GCA: variants seen among roughly 807,000 people sequenced by gnomAD.
GCA encodes grancalcin, EF-hand calcium-binding protein.
GCA carries 30 observed loss-of-function variants against 32.6 expected under a neutral mutation model. That is an observed-to-expected ratio of 0.92 (90% CI 0.69 to 1.25). GCA has a LOEUF of 1.25. Among genes scored for constraint, GCA ranks in the 50% most tolerant of loss-of-function variants. The pLI is 0.00. For synonymous variants in GCA, 102 were observed against 84.6 expected, an observed-to-expected ratio of 1.21 and a Z score of -1.13; for missense variants, 291 against 266.8, an observed-to-expected ratio of 1.09 and a Z score of -0.63.
intron 2 of GCA, 107 bp downstream of exon 2, chr2:162,347,849 T>A: frequency 5.0e-6 from 3 of 603,262 alleles, no homozygotes; most frequent in Non-Finnish European, 7.7e-6. Flanking sequence ...TTATATTTTA[T>A]ATGTATCTAG....
At chr2:162,373,220 A>T (rs555999285), downstream of GCA, among the ~76,000 whole-genome samples, 12 of 147,128 alleles carry the variant, frequency 8.2e-5, no homozygotes, top group African/African-American at 1.8e-4. Flanking sequence ...TTTTCCTTTT[A>T]AAAAAAATGC....
chr2:162,328,847 G>A (rs1314589762), intron 1 of GCA, among the ~76,000 whole-genome samples: 1 of 152,140 alleles, frequency 6.6e-6, no homozygotes, highest in African/African-American at 2.4e-5. Flanking sequence ...TTATTGAGTG[G>A]AGGTGGCTTG....
chr2:162,371,827 G>T, downstream of GCA: 1 of 1,606,720 alleles, frequency 6.2e-7, no homozygotes, highest in Non-Finnish European at 8.5e-7. Context: ...AGTACAAAAT[G>T]ATTATTTCCC....
chr2:162,329,885 T>C (rs200477808), intron 1 of GCA, among the ~76,000 whole-genome samples: 1 of 152,150 alleles, frequency 6.6e-6, no homozygotes, highest in East Asian at 1.9e-4. Flanking sequence ...CCATGTGTTC[T>C]CATCATTTAG....
intron 2 of GCA, among the ~76,000 whole-genome samples, chr2:162,349,791 C>T (rs1684898340): frequency 6.6e-6 from 1 of 152,072 alleles, no homozygotes; most frequent in Admixed American, 6.5e-5. Context: ...TGTTCTAATA[C>T]CATACTAATG....
At chr2:162,339,187 T>C (rs1684364592), upstream of GCA, among the ~76,000 whole-genome samples, 1 of 152,164 alleles carries the variant, frequency 6.6e-6, no homozygotes, top group South Asian at 2.1e-4. Flanking sequence ...CTTAGAAAGA[T>C]ACTGAAAGGA....
intron 4 of GCA, among the ~76,000 whole-genome samples, chr2:162,370,451 T>G (rs1408476222): frequency 6.6e-6 from 1 of 152,164 alleles, no homozygotes; most frequent in Non-Finnish European, 1.5e-5. Flanking sequence ...GAGATACATA[T>G]GTCCCCCACA....
At chr2:162,366,808 G>C (rs1685766033), downstream of GCA, among the ~76,000 whole-genome samples, 1 of 151,932 alleles carries the variant, frequency 6.6e-6, no homozygotes, top group Admixed American at 6.6e-5. Flanking sequence ...CAAATATAAG[G>C]ATGCTATCTA....
chr2:162,363,058 A>G lies in GCA; in HGVS notation c.*2815A>G, dbSNP rs1361732283. On this transcript the variant is annotated 3_prime_UTR_variant, in exon 8 of 8. Coordinates refer to ENST00000437150, the MANE Select transcript of GCA (RefSeq NM_012198.5). The stretch of plus-strand genomic sequence containing the variant: ...TTCTTTAAGTAAAATATAAGACATT[A>G]AGTTTGCCTGTAATCTTATGGCATT... 2.6e-5 allele frequency among the ~76,000 whole-genome samples: 4 copies of G among 151,438 alleles called. No individual in the cohort carries two copies. The highest frequency in any genetic ancestry group is 5.9e-5 in the Non-Finnish European group (4 of 67,538).
intron 3 of GCA, among the ~76,000 whole-genome samples, chr2:162,352,969 A>G (rs548797705): frequency 6.6e-6 from 1 of 152,144 alleles, no homozygotes; most frequent in African/African-American, 2.4e-5. Context: ...TGAAATCACT[A>G]GTTGTCAGGT....
downstream of GCA, among the ~76,000 whole-genome samples, chr2:162,367,219 C>G (rs1261804245): frequency 6.6e-6 from 1 of 151,806 alleles, no homozygotes; most frequent in Admixed American, 6.6e-5. Flanking sequence ...ACATTGAGTC[C>G]CCTGCCATTT....
intron 1 of GCA, among the ~76,000 whole-genome samples, chr2:162,326,787 G>A (rs1683899473): frequency 6.6e-6 from 1 of 152,240 alleles, no homozygotes; most frequent in Middle Eastern, 3.4e-3. Context: ...CAAAGTGCTG[G>A]GATTACAGGC....
At chr2:162,326,240 C>G (rs746611242) in intron 1 of GCA, among the ~76,000 whole-genome samples, 3 of 152,196 alleles carry the variant, frequency 2.0e-5, no homozygotes, top group African/African-American at 4.8e-5. Flanking sequence ...CTCAGACCAT[C>G]TGTCCTCAAG....
At position 162,357,802 on chromosome 2, in the gene GCA, A is replaced by G. The variant is rs191944765; in HGVS notation, c.454+897A>G. Among the ~76,000 whole-genome samples the G allele has an allele frequency of 3.0e-3, 449 of 151,808 alleles. 3 individuals are homozygous for G. Among genetic ancestry groups the G allele is most frequent in the African/African-American group, 0.01 (425 of 41,532 alleles). On this transcript the variant is annotated intron_variant, in intron 5 of 7. Coordinates refer to ENST00000437150, the MANE Select transcript of GCA (RefSeq NM_012198.5). ...GAAATTAATGTAATCTTTGGCAGAAAAGAAAACCTCCAGAGTTCCCGTTAG... is the reference window on the plus strand; with the variant it reads ...GAAATTAATGTAATCTTTGGCAGAAGAGAAAACCTCCAGAGTTCCCGTTAG...
At chr2:162,338,907 T>G (rs1169725880) in intron 1 of GCA, among the ~76,000 whole-genome samples, 2 of 152,226 alleles carry the variant, frequency 1.3e-5, no homozygotes, top group African/African-American at 4.8e-5. Flanking sequence ...ATGCAGAAAG[T>G]ATACCAATCA....
At chr2:162,356,590 T>C in intron 4 of GCA, 109 bp downstream of exon 4, 1 of 878,206 alleles carries the variant, frequency 1.1e-6, no homozygotes, top group Non-Finnish European at 1.9e-6. Context: ...AATTTAAAAA[T>C]ACTTTGTAAG....
At chr2:162,345,387 C>T (rs1383993304) in intron 1 of GCA, among the ~76,000 whole-genome samples, 1 of 152,046 alleles carries the variant, frequency 6.6e-6, no homozygotes, top group Non-Finnish European at 1.5e-5. Flanking sequence ...TAAAAACGTC[C>T]CTAGCGTATA....
intron 1 of GCA, among the ~76,000 whole-genome samples, chr2:162,320,535 C>A (rs1024833672): frequency 4.6e-5 from 7 of 152,118 alleles, no homozygotes; most frequent in African/African-American, 1.7e-4. Flanking sequence ...ATATGGGGAA[C>A]CAGTTAATGT....
In GCA at chr2:162,361,645, T is replaced by C; in HGVS notation, c.*1402T>C. The C allele has an allele frequency of 1.0e-6, 1 of 984,160 alleles. No homozygotes were observed. The highest frequency in any genetic ancestry group is 1.2e-6 in the Non-Finnish European group (1 of 828,960). 61.0% of individuals were successfully genotyped at this position (984,160 alleles called of 1,614,324 possible). A position where few individuals can be genotyped will look rare whatever the true frequency, so the allele number is the denominator to read the frequency against. ...GCATAGTCACTTGACACTGATAATT[T>C]TATATAATTTGCTGTCAAATTCACT... On this transcript the variant is annotated 3_prime_UTR_variant, in exon 8 of 8. Coordinates refer to ENST00000437150, the MANE Select transcript of GCA (RefSeq NM_012198.5).
Sources: gnomAD v4.1 joint callset for allele counts (sites outside exome capture counted in the v4.1 genomes callset) on GRCh38, gnomAD v4.1.1 for gene constraint, MANE v1.5 for transcripts, NCBI Gene and HGNC (gene_info 2026-07-23, HGNC 2026-07-21) for gene names.